Variants in TTLL8 observed in about 807,000 individuals in gnomAD.
TTLL8 encodes the protein tubulin tyrosine ligase like 8.
TTLL8 carries 65 observed loss-of-function variants against 77.8 expected under a neutral mutation model. The ratio of observed to expected loss-of-function variants is 0.84; its 90% confidence interval spans 0.68 to 1.03. TTLL8 has a LOEUF of 1.03. Ranked by LOEUF, TTLL8 falls within the 50% of genes least tolerant of loss-of-function variation. The pLI is 0.00. For missense variants in TTLL8, 910 were observed against 1,004.5 expected (o/e 0.91, Z 1.27); for synonymous variants, 402 against 422.8 (o/e 0.95, Z 0.60).
intron 12 of TTLL8, among the ~76,000 whole-genome samples, chr22:50,019,349 G>A (rs2061182275): frequency 2.0e-5 from 3 of 152,230 alleles, no homozygotes; most frequent in African/African-American, 7.2e-5. Context: ...AGGTACTGTG[G>A]TCATCAGGCT....
rs552111402 is a variant in TTLL8, at chr22:50,028,250, G to C, written c.2203+2180C>G. On this transcript the variant is annotated intron_variant, in intron 12 of 13. Coordinates refer to ENST00000266182, the Ensembl canonical transcript of TTLL8. Reference sequence around the variant, plus strand: ...TCTTCAGCATGGTAATTTGGCACTGGGCTAAGCCTCCAGCTGCCTCCCGCT... The same window carrying C: ...TCTTCAGCATGGTAATTTGGCACTGCGCTAAGCCTCCAGCTGCCTCCCGCT... Among the ~76,000 whole-genome samples, 3 of 152,324 alleles carry C rather than the reference G, an allele frequency of 2.0e-5. No individual in the cohort carries two copies. In the East Asian group the frequency reaches 5.8e-4, roughly 29 times the overall value.
chr22:50,048,857 A>T (rs1490019313), intron 3 of TTLL8, among the ~76,000 whole-genome samples: 1 of 152,044 alleles, frequency 6.6e-6, no homozygotes, highest in Non-Finnish European at 1.5e-5. Context: ...GGAGGTGGGG[A>T]GGCACATACT....
chr22:50,048,115 AGTGTGT>A (rs34500180), intron 3 of TTLL8, among the ~76,000 whole-genome samples: 15,040 of 145,668 alleles, frequency 0.1, 947 homozygotes, highest in East Asian at 0.25. Context: ...CCCCCAAAAA[AGTGTGT>A]GTGTGTGTGT....
intron 8 of TTLL8, among the ~76,000 whole-genome samples, chr22:50,040,213 G>A (rs1569228460): frequency 6.6e-6 from 1 of 150,382 alleles, no homozygotes; most frequent in Non-Finnish European, 1.5e-5. Context: ...ACATGTGTCA[G>A]CATGGATGGA....
upstream of TTLL8, chr22:50,056,694 A>G (rs1350743615): frequency 1.1e-6 from 1 of 949,702 alleles, no homozygotes; most frequent in East Asian, 1.2e-4. This position sits in a 1 kb window ranked among gnomAD's most constrained non-coding sequence, Gnocchi z 4.1. Flanking sequence ...GCCCCCCAAC[A>G]CCCCTGGGGT....
chr22:50,046,912 T>C (rs6010247), intron 4 of TTLL8, among the ~76,000 whole-genome samples: 9,714 of 152,280 alleles, frequency 0.064, 384 homozygotes, highest in Middle Eastern at 0.13. Flanking sequence ...CAGCCCCATC[T>C]TTGGCCTCTG....
At chr22:50,023,799 T>C (rs2061217559) in intron 12 of TTLL8, among the ~76,000 whole-genome samples, 1 of 152,072 alleles carries the variant, frequency 6.6e-6, no homozygotes, top group Admixed American at 6.6e-5. Flanking sequence ...GGTGGGCAGA[T>C]CACGAGGTCA....
intron 1 of TTLL8, among the ~76,000 whole-genome samples, chr22:50,053,610 T>G (rs2061455715): frequency 6.6e-6 from 1 of 152,212 alleles, no homozygotes; most frequent in South Asian, 2.1e-4. Context: ...GAAGAAAATC[T>G]GAAAATTAAT....
At chr22:50,054,066 T>C (rs1385888158) in intron 1 of TTLL8, among the ~76,000 whole-genome samples, 1 of 152,242 alleles carries the variant, frequency 6.6e-6, no homozygotes, top group Non-Finnish European at 1.5e-5. Context: ...AACCTCACCA[T>C]GCCGTGCACC....
Position 50,025,509 on chromosome 22 carries a change from C to G in TTLL8, c.2203+4921G>C, listed in dbSNP as rs560402497. 6.6e-5 allele frequency among the ~76,000 whole-genome samples: 10 copies of G among 152,076 alleles called. 1 individual carries two copies. The East Asian group carries it at 1.4e-3, about 21-fold the overall frequency. ...ACAAAATTAGCTGGGCATGGTGGTGCGTGCCTGTAATCCCAGCTACTCGGG... is the reference window on the plus strand; with the variant it reads ...ACAAAATTAGCTGGGCATGGTGGTGGGTGCCTGTAATCCCAGCTACTCGGG... On this transcript the variant is annotated intron_variant, in intron 12 of 13. Coordinates refer to ENST00000266182, the Ensembl canonical transcript of TTLL8.
chr22:50,023,844 C>T (rs1469554702), intron 12 of TTLL8, among the ~76,000 whole-genome samples: 7 of 152,178 alleles, frequency 4.6e-5, no homozygotes, highest in Admixed American at 3.9e-4. Context: ...CACAGTGAAA[C>T]CCCATCTCTA....
chr22:50,036,133 C>T (rs994402872), intron 8 of TTLL8, among the ~76,000 whole-genome samples: 2 of 152,314 alleles, frequency 1.3e-5, no homozygotes, highest in Non-Finnish European at 2.9e-5. Flanking sequence ...TGGGTCCTGA[C>T]CCCAGGGCAC....
At position 50,041,908 on chromosome 22, in the gene TTLL8, A is replaced by G. The variant is rs554093732; in HGVS notation, c.644-101T>C. On this transcript the variant is annotated intron_variant, in intron 6 of 13. Coordinates refer to ENST00000266182, the Ensembl canonical transcript of TTLL8. This position sits in a 1 kb window ranked among gnomAD's most constrained non-coding sequence, Gnocchi z 4.3. The stretch of plus-strand genomic sequence containing the variant: ...TAAAGTCATGGACAAAGGCTGCTCC[A>G]CTCCCTCTGTGCCCCAATACCCAAC... 15 of 1,046,930 alleles carry G rather than the reference A, an allele frequency of 1.4e-5. No homozygotes were observed. The African/African-American group carries it at 2.0e-4, about 14-fold the overall frequency. The allele number at this position is 1,046,930 out of a possible 1,614,324, so 64.9% of individuals were successfully genotyped here.
intron 8 of TTLL8, among the ~76,000 whole-genome samples, chr22:50,037,335 G>A (rs1213367646): frequency 6.6e-6 from 1 of 152,006 alleles, no homozygotes; most frequent in Admixed American, 6.6e-5. Flanking sequence ...AGCCTCCTGA[G>A]TAGCTGGGAC....
Sources: gnomAD v4.1 joint callset for allele counts (sites outside exome capture counted in the v4.1 genomes callset) on GRCh38, gnomAD v4.1.1 for gene constraint, Gnocchi (gnomAD v3.1) non-coding constraint, MANE v1.5 for transcripts, NCBI Gene and HGNC (gene_info 2026-07-23, HGNC 2026-07-21) for gene names.